PIK3CD: variants seen among roughly 807,000 people sequenced by gnomAD.
PIK3CD encodes the protein phosphatidylinositol 4,5-bisphosphate 3-kinase catalytic subunit delta isoform.
PIK3CD carries 20 observed loss-of-function variants against 122.9 expected under a neutral mutation model. The observed-to-expected ratio is 0.16, with a 90% CI of 0.11 to 0.24. The LOEUF is 0.24. PIK3CD is among the 10% of genes least tolerant of loss of function. PIK3CD has a pLI of 1.00. For synonymous variants in PIK3CD, 596 were observed against 593.4 expected (o/e 1.00, Z -0.06); for missense variants, 787 against 1,406.3 (o/e 0.56, Z 7.04).
the PIK3CD span, among the ~76,000 whole-genome samples, chr1:9,640,465 A>G: frequency 6.9e-6 from 1 of 145,902 alleles, no homozygotes; most frequent in African/African-American, 2.7e-5. Context: ...CTGTAATCCC[A>G]GCTACTTGGG....
Position 9,720,436 on chromosome 1 carries a change from G to C in PIK3CD, c.1471-175G>C, listed in dbSNP as rs1328838788. ...GATGACATTTTCGGTTGTCACAGCT[G>C]CCAGGAGGGATGCTCTTGGCATCTC... On this transcript the variant is annotated intron_variant, in intron 11 of 23. Transcript: ENST00000377346. This position sits in a 1 kb window ranked among gnomAD's most constrained non-coding sequence, Gnocchi z 9.0. 5 of 1,418,956 alleles carry C rather than the reference G, an allele frequency of 3.5e-6. No individual in the cohort carries two copies. The East Asian group carries it at 7.5e-5, about 21-fold the overall frequency. The allele number at this position is 1,418,956 out of a possible 1,614,324, so 87.9% of individuals were successfully genotyped here. A position where few individuals can be genotyped will look rare whatever the true frequency, so the allele number is the denominator to read the frequency against.
the PIK3CD span, among the ~76,000 whole-genome samples, chr1:9,641,814 C>T: frequency 2.6e-5 from 4 of 152,200 alleles, no homozygotes; most frequent in African/African-American, 9.7e-5. Context: ...ACCTCTCAGC[C>T]CTCCTTGGAA....
At chr1:9,638,592 T>A in the PIK3CD span, among the ~76,000 whole-genome samples, 1 of 150,440 alleles carries the variant, frequency 6.6e-6, no homozygotes, top group Non-Finnish European at 1.5e-5. Flanking sequence ...GTTAGCGGGG[T>A]GTGGTGGCGG....
intron 2 of PIK3CD, among the ~76,000 whole-genome samples, chr1:9,696,735 AAAAG>A (rs928299335): frequency 1.3e-5 from 2 of 151,926 alleles, no homozygotes; most frequent in African/African-American, 4.8e-5. Context: ...CAAAAAAAAA[AAAAG>A]AGAGAAGAAA....
At chr1:9,649,870 G>A (rs563362742), upstream of PIK3CD, among the ~76,000 whole-genome samples, 3 of 152,320 alleles carry the variant, frequency 2.0e-5, no homozygotes, top group South Asian at 6.2e-4. Flanking sequence ...TGAGCAAGGA[G>A]GGACTTAGGC....
In PIK3CD at chr1:9,722,387, G is replaced by A. The variant is rs776916607; in HGVS notation, c.2347+31G>A. The stretch of plus-strand genomic sequence containing the variant: ...GGCCTGGCCTCCCCACACCCCGCCT[G>A]TACTGCCCTGGGGGGTCCTGGGGTG... On this transcript the variant is annotated intron_variant, in intron 18 of 23. Coordinates refer to ENST00000377346, the MANE Select transcript of PIK3CD (RefSeq NM_005026.5). This position sits in a 1 kb window ranked among gnomAD's most constrained non-coding sequence, Gnocchi z 7.6. 6.9e-6 allele frequency: 11 copies of A among 1,585,886 alleles called. No homozygotes were observed. Among genetic ancestry groups the A allele is most frequent in the Non-Finnish European group, 9.5e-6 (11 of 1,157,760 alleles).
chr1:9,634,775 AACTT>A, the PIK3CD span, among the ~76,000 whole-genome samples: 1 of 152,164 alleles, frequency 6.6e-6, no homozygotes, highest in African/African-American at 2.4e-5. Context: ...AGTAACTTGA[AACTT>A]AACACCCCAC....
intron 2 of PIK3CD, among the ~76,000 whole-genome samples, chr1:9,705,440 G>T (rs887284806): frequency 1.3e-5 from 2 of 152,044 alleles, no homozygotes; most frequent in African/African-American, 4.8e-5. Context: ...TGAGGCTGCA[G>T]TGAGCTGTGA....
intron 2 of PIK3CD, among the ~76,000 whole-genome samples, chr1:9,699,595 ACTTT>A (rs1289684978): frequency 1.5e-5 from 2 of 136,210 alleles, no homozygotes; most frequent in African/African-American, 3.2e-5. Context: ...GGGCCTTTGT[ACTTT>A]CTTTTTTTTT....
chr1:9,723,939 TG>T lies in PIK3CD; in HGVS notation c.2595-28del. ...TGATAGGCGGAGCTGCAAAATGGTA[TG>T]GCCATGCTTTTTAATCTTCCCCACC... On this transcript the variant is annotated intron_variant, in intron 20 of 23. Transcript: ENST00000377346. This position sits in a 1 kb window ranked among gnomAD's most constrained non-coding sequence, Gnocchi z 4.9. The T allele has an allele frequency of 6.2e-7, 1 of 1,611,388 alleles. No homozygotes were observed. The highest frequency in any genetic ancestry group is 8.5e-7 in the Non-Finnish European group (1 of 1,177,604).
chr1:9,633,278 C>T, the PIK3CD span, among the ~76,000 whole-genome samples: 73 of 152,070 alleles, frequency 4.8e-4, no homozygotes, highest in East Asian at 3.3e-3. Flanking sequence ...TCTCGTAAAA[C>T]GCTAGTTGGT....
Position 9,691,459 on chromosome 1 carries a change from C to G in PIK3CD, c.-137-8C>G, listed in dbSNP as rs1646193183. The G allele has an allele frequency of 5.0e-6, 2 of 398,176 alleles. No homozygotes were observed. The highest frequency in any genetic ancestry group is 8.9e-6 in the Non-Finnish European group (2 of 225,940). The allele number at this position is 398,176 out of a possible 1,614,324, so 24.7% of individuals were successfully genotyped here. ...TTTCTTTCTTTCTTTCTTTCTTTTC[C>G]CCAACAGATAAGGAGTCAGGCCAGG... On this transcript the variant is annotated splice_polypyrimidine_tract_variant and splice_region_variant and intron_variant, in intron 1 of 23. Transcript: ENST00000377346.
chr1:9,630,603 G>GATATAGCC, the PIK3CD span, among the ~76,000 whole-genome samples: 2 of 152,340 alleles, frequency 1.3e-5, no homozygotes, highest in African/African-American at 4.8e-5. Flanking sequence ...GGGAGGGGAT[G>GATATAGCC]ATATAGCCAG....
Position 9,715,759 on chromosome 1 carries a change from C to G in PIK3CD, c.360C>G (p.Leu120=), listed in dbSNP as rs374151860. 4 of 1,613,116 alleles carry G rather than the reference C, an allele frequency of 2.5e-6. No individual in the cohort carries two copies. Among genetic ancestry groups the G allele is most frequent in the African/African-American group, 1.3e-5 (1 of 74,960 alleles). ...KKLINSQISL[L]IGKGLHEFDS... Reference sequence around the variant, plus strand: ...TCATCAACTCACAGATCAGCCTCCTCATCGGCAAAGGTAGCTCTGCCGAGT... The same window carrying G: ...TCATCAACTCACAGATCAGCCTCCTGATCGGCAAAGGTAGCTCTGCCGAGT... Residue 120 remains leucine (L), a synonymous_variant, in exon 4 of 24, where the codon CTC becomes CTG. Transcript: ENST00000377346. The surrounding 1 kb of genome is among the most constrained non-coding windows in gnomAD (Gnocchi z 4.1).
In PIK3CD at chr1:9,720,975, C is replaced by T. The variant is rs1312735195; in HGVS notation, c.1689+66C>T. The T allele has an allele frequency of 2.6e-6, 4 of 1,515,224 alleles. No individual in the cohort carries two copies. The Admixed American group carries it at 7.9e-5, about 30-fold the overall frequency. 93.9% of individuals were successfully genotyped at this position (1,515,224 alleles called of 1,614,324 possible). ...ACCACAGCCTCTGGCTACCCACCAC[C>T]CTGACCCCGGCCAACCCCCACCCTC... is the stretch of plus-strand genomic sequence containing the variant. On this transcript the variant is annotated intron_variant, in intron 13 of 23. Transcript: ENST00000377346. The surrounding 1 kb of genome is among the most constrained non-coding windows in gnomAD (Gnocchi z 9.0).
chr1:9,656,986 G>A (rs535438222), intron 1 of PIK3CD, among the ~76,000 whole-genome samples: 1 of 151,752 alleles, frequency 6.6e-6, no homozygotes, highest in African/African-American at 2.4e-5. Context: ...CAGTTCTGGA[G>A]GCCAGAAGTT....
At chr1:9,667,404 G>C (rs1045561589) in intron 1 of PIK3CD, among the ~76,000 whole-genome samples, 2 of 150,534 alleles carry the variant, frequency 1.3e-5, no homozygotes, top group East Asian at 3.9e-4. Flanking sequence ...TGAGATGGAG[G>C]CTCACTCTGT....
At chr1:9,645,679 T>C in the PIK3CD span, among the ~76,000 whole-genome samples, 5 of 150,654 alleles carry the variant, frequency 3.3e-5, no homozygotes, top group African/African-American at 1.2e-4. Flanking sequence ...TGATCTTGGC[T>C]CACTGCACCT....
chr1:9,655,685 T>A (rs1311264977), intron 1 of PIK3CD, among the ~76,000 whole-genome samples: 1 of 145,328 alleles, frequency 6.9e-6, no homozygotes, highest in Non-Finnish European at 1.5e-5. Context: ...ATTACTTTCT[T>A]TCTTTTTTCT....
Sources: allele counts gnomAD v4.1 joint callset (sites outside exome capture counted in the v4.1 genomes callset), GRCh38; gene constraint gnomAD v4.1.1; non-coding constraint Gnocchi (gnomAD v3.1); transcripts MANE v1.5; gene names NCBI Gene and HGNC (gene_info 2026-07-23, HGNC 2026-07-21).